Variants in CSMD1 observed in about 807,000 individuals in gnomAD.
CSMD1 encodes CUB and sushi domain-containing protein 1.
A neutral mutation model predicts 417.5 loss-of-function variants in CSMD1; 213 were observed. That is an observed-to-expected ratio of 0.51 (90% CI 0.46 to 0.57). The LOEUF is 0.57. CSMD1 is among the 20% of genes least tolerant of loss of function. The pLI is 0.00. For synonymous variants in CSMD1, 2,862 were observed against 1,736.8 expected, an observed-to-expected ratio of 1.65 and a Z score of -16.11; for missense variants, 6,923 against 4,529.7, an observed-to-expected ratio of 1.53 and a Z score of -15.17.
At position 3,419,269 on chromosome 8, in the gene CSMD1, C is replaced by T. The variant is rs1813340994; in HGVS notation, c.1562-9664G>A. Among the ~76,000 whole-genome samples the T allele has an allele frequency of 5.3e-5, 8 of 152,168 alleles. 1 individual carries two copies. In the South Asian group the frequency reaches 1.7e-3, roughly 32 times the overall value. ...TACAATCTGCACCAACCAGATGCTC[C>T]TGGTTGATTCTTGAGTTCAGGTTCA... On this transcript the variant is annotated intron_variant, in intron 12 of 69. Transcript: ENST00000635120.
At chr8:4,287,557 G>C (rs1022326389) in intron 3 of CSMD1, among the ~76,000 whole-genome samples, 1 of 151,972 alleles carries the variant, frequency 6.6e-6, no homozygotes, top group Non-Finnish European at 1.5e-5. Flanking sequence ...TAACAAAGAC[G>C]GGGGACTAAT....
At chr8:3,285,635 G>C (rs1406710163) in intron 25 of CSMD1, among the ~76,000 whole-genome samples, 3 of 151,880 alleles carry the variant, frequency 2.0e-5, no homozygotes, top group African/African-American at 7.2e-5. Context: ...CTCACCTCAG[G>C]TGATCCACCT....
intron 1 of CSMD1, among the ~76,000 whole-genome samples, chr8:4,847,554 T>G (rs1222924177): frequency 6.6e-6 from 1 of 152,170 alleles, no homozygotes; most frequent in Non-Finnish European, 1.5e-5. Context: ...CTGGAATATT[T>G]TATTAAAGAG....
At chr8:3,518,065 T>C (rs1797355322) in intron 10 of CSMD1, among the ~76,000 whole-genome samples, 1 of 152,104 alleles carries the variant, frequency 6.6e-6, no homozygotes, top group Non-Finnish European at 1.5e-5. Flanking sequence ...ATTCAAGTGT[T>C]TAGAAAATGT....
At chr8:4,947,773 T>G (rs1030730296) in intron 1 of CSMD1, among the ~76,000 whole-genome samples, 1 of 152,084 alleles carries the variant, frequency 6.6e-6, no homozygotes, top group Non-Finnish European at 1.5e-5. Context: ...CTACTTGAAT[T>G]TGCATTTTTT....
intron 2 of CSMD1, among the ~76,000 whole-genome samples, chr8:4,506,166 C>G (rs543874051): frequency 6.6e-6 from 1 of 152,042 alleles, no homozygotes; most frequent in Non-Finnish European, 1.5e-5. Flanking sequence ...AAAGTAATTG[C>G]GGTTTTTGCT....
In CSMD1 at chr8:4,661,292, G is replaced by A. The variant is rs149245034; in HGVS notation, c.86-23734C>T. On this transcript the variant is annotated intron_variant, in intron 1 of 69. Coordinates refer to ENST00000635120, the MANE Select transcript of CSMD1 (RefSeq NM_033225.6). Reference sequence around the variant, plus strand: ...TAATACCACTCAGCAATAAAACAACGACAATAACAACAAATAAAAACAGAC... The same window carrying A: ...TAATACCACTCAGCAATAAAACAACAACAATAACAACAAATAAAAACAGAC... Among the ~76,000 whole-genome samples the A allele has an allele frequency of 1.1e-3, 175 of 152,198 alleles. 2 individuals carry two copies. Among genetic ancestry groups the A allele is most frequent in the African/African-American group, 3.9e-3 (162 of 41,526 alleles).
intron 26 of CSMD1, among the ~76,000 whole-genome samples, chr8:3,280,519 G>C (rs77662300): frequency 0.034 from 5,247 of 152,166 alleles, 120 homozygotes; most frequent in African/African-American, 0.067. Flanking sequence ...CAGAGTCAAT[G>C]TTATATTCTA....
At chr8:3,944,768 T>C (rs967743244) in intron 5 of CSMD1, among the ~76,000 whole-genome samples, 8 of 152,180 alleles carry the variant, frequency 5.3e-5, no homozygotes, top group Non-Finnish European at 8.8e-5. Context: ...TCAACTCTTT[T>C]CTTACAAATA....
At chr8:3,340,506 T>C (rs1165829679) in intron 23 of CSMD1, among the ~76,000 whole-genome samples, 2 of 152,212 alleles carry the variant, frequency 1.3e-5, no homozygotes, top group African/African-American at 2.4e-5. Flanking sequence ...AGTAGTGCAA[T>C]TAACTATCAA....
chr8:4,204,203 C>G (rs752793288), intron 3 of CSMD1, among the ~76,000 whole-genome samples: 3 of 151,726 alleles, frequency 2.0e-5, no homozygotes, highest in Non-Finnish European at 4.4e-5. Context: ...GATGGAATTT[C>G]AAAGTGGTTT....
intron 1 of CSMD1, among the ~76,000 whole-genome samples, chr8:4,665,379 G>T (rs999028201): frequency 1.3e-5 from 2 of 152,160 alleles, no homozygotes; most frequent in Non-Finnish European, 2.9e-5. Flanking sequence ...CGTTTTAGGT[G>T]AACGGGTCCA....
intron 2 of CSMD1, among the ~76,000 whole-genome samples, chr8:4,455,155 G>T (rs377878): frequency 2.6e-5 from 4 of 152,104 alleles, no homozygotes; most frequent in South Asian, 2.1e-4. Flanking sequence ...ACAGCCAAAA[G>T]GAAAATGGTA....
At chr8:3,530,439 A>G (rs1450616468) in intron 10 of CSMD1, among the ~76,000 whole-genome samples, 1 of 152,160 alleles carries the variant, frequency 6.6e-6, no homozygotes, top group Non-Finnish European at 1.5e-5. Flanking sequence ...TGTGTTGTTT[A>G]ACTTCCACAT....
At chr8:3,736,384 G>A (rs1183986736) in intron 6 of CSMD1, among the ~76,000 whole-genome samples, 4 of 151,980 alleles carry the variant, frequency 2.6e-5, no homozygotes, top group African/African-American at 7.2e-5. Flanking sequence ...TGAGACACAG[G>A]TGCAAATCAC....
intron 2 of CSMD1, among the ~76,000 whole-genome samples, chr8:4,480,629 T>C (rs1260457497): frequency 6.6e-6 from 1 of 152,242 alleles, no homozygotes; most frequent in Non-Finnish European, 1.5e-5. Flanking sequence ...AACACGTCTG[T>C]GGGCCATTCT....
chr8:4,470,180 C>T (rs929952559), intron 2 of CSMD1, among the ~76,000 whole-genome samples: 2 of 152,064 alleles, frequency 1.3e-5, no homozygotes, highest in African/African-American at 4.8e-5. Context: ...TCATCTATTC[C>T]TCTCCATTGT....
chr8:4,439,052 G>C (rs1798312275), intron 2 of CSMD1, among the ~76,000 whole-genome samples: 1 of 152,152 alleles, frequency 6.6e-6, no homozygotes, highest in Non-Finnish European at 1.5e-5. Flanking sequence ...AATCTTAGCT[G>C]ATATAGGTCT....
chr8:3,334,849 G>A (rs1807148120), intron 23 of CSMD1, among the ~76,000 whole-genome samples: 3 of 152,220 alleles, frequency 2.0e-5, no homozygotes, highest in African/African-American at 4.8e-5. Flanking sequence ...GATCCACACT[G>A]CAGGTGGCAG....
Sources: allele counts gnomAD v4.1 joint callset (sites outside exome capture counted in the v4.1 genomes callset), GRCh38; gene constraint gnomAD v4.1.1; transcripts MANE v1.5; gene names NCBI Gene and HGNC (gene_info 2026-07-23, HGNC 2026-07-21).